The following PPAT variants were observed in gnomAD, a reference collection of about 807,000 sequenced individuals.
The protein encoded by PPAT is amidophosphoribosyltransferase.
Under a neutral mutation model 60.2 loss-of-function variants are expected in PPAT, and 20 were observed. The ratio of observed to expected loss-of-function variants is 0.33; its 90% CI spans 0.23 to 0.48. The LOEUF (loss-of-function observed/expected upper bound fraction) is 0.48. PPAT is among the 20% of genes least tolerant of loss of function. The probability of loss-of-function intolerance (pLI) is 0.99; values close to 1 mark genes in which losing one functional copy is unlikely to be tolerated. For missense variants in PPAT, 349 were observed against 629.6 expected (o/e 0.55, Z 4.77); for synonymous variants, 194 against 215.1 (o/e 0.90, Z 0.86).
At chr4:56,406,803 T>A (rs1716253286) in intron 2 of PPAT, 102 bp from the exon 3 acceptor site, 2 of 768,264 alleles carry the variant, frequency 2.6e-6, no homozygotes, top group Non-Finnish European at 4.2e-6. Flanking sequence ...GACAAAGAAG[T>A]ACATTTAATA....
chr4:56,427,627 T>C lies in PPAT; in HGVS notation c.128+7723A>G, dbSNP rs142162668. ...GTCCACGCCAGCCTCGGCAACATAG[T>C]GAGACCCTGTCTCTTAAAAAAAAAA... On this transcript the variant is annotated intron_variant, in intron 1 of 10. Transcript: ENST00000264220. 8.4e-3 allele frequency among the ~76,000 whole-genome samples: 1,199 copies of C among 143,532 alleles called. 6 individuals are homozygous for C. The highest frequency in any genetic ancestry group is 0.018 in the Middle Eastern group (5 of 282). 94.2% of individuals were successfully genotyped at this position (143,532 alleles called of 152,430 possible).
chr4:56,399,098 G>T, intron 9 of PPAT, 81 bp downstream of exon 9: 3 of 1,208,354 alleles, frequency 2.5e-6, no homozygotes, highest in South Asian at 1.4e-5. Context: ...CATCCATTTT[G>T]ATTCACTACC....
intron 1 of PPAT, among the ~76,000 whole-genome samples, chr4:56,428,351 C>T (rs1026369135): frequency 6.6e-6 from 1 of 151,878 alleles, no homozygotes; most frequent in Non-Finnish European, 1.5e-5. Flanking sequence ...TTGATATGGT[C>T]TGATGAAAAA....
intron 1 of PPAT, among the ~76,000 whole-genome samples, chr4:56,427,241 C>T (rs1253157222): frequency 2.6e-5 from 4 of 152,200 alleles, no homozygotes; most frequent in South Asian, 4.1e-4. Flanking sequence ...TGGGTATATA[C>T]CCAGAAGCGA....
At chr4:56,429,746 C>T (rs1424209845) in intron 1 of PPAT, among the ~76,000 whole-genome samples, 1 of 152,174 alleles carries the variant, frequency 6.6e-6, no homozygotes, top group Non-Finnish European at 1.5e-5. Context: ...CCATTCAGGA[C>T]ATAAAACTTA....
intron 1 of PPAT, among the ~76,000 whole-genome samples, chr4:56,412,846 T>C (rs766505007): frequency 1.3e-5 from 2 of 152,192 alleles, no homozygotes; most frequent in Non-Finnish European, 2.9e-5. Context: ...CCATATACTT[T>C]CCACAATACC....
intron 2 of PPAT, 84 bp from the exon 3 acceptor site, chr4:56,406,785 C>G: frequency 2.2e-6 from 2 of 928,066 alleles, no homozygotes; most frequent in South Asian, 3.1e-5. Flanking sequence ...CCCAGCCAAT[C>G]CAAATAAGAC....
rs186809117 is a variant in PPAT at position 56,397,177 on chromosome 4, A to T, written c.1237-438T>A. 2.6e-3 allele frequency among the ~76,000 whole-genome samples: 392 copies of T among 152,076 alleles called. 3 individuals carry two copies. Among genetic ancestry groups the T allele is most frequent in the African/African-American group, 8.9e-3 (369 of 41,504 alleles). On this transcript the variant is annotated intron_variant, in intron 9 of 10. Coordinates refer to ENST00000264220, the MANE Select transcript of PPAT (RefSeq NM_002703.5). ...TCCTTTTTAAACTTTATTAGAATAG[A>T]TTTTCCCATTTTTGCTACGCAGTCT...
At chr4:56,415,133 A>G (rs1267457827) in intron 1 of PPAT, among the ~76,000 whole-genome samples, 1 of 152,206 alleles carries the variant, frequency 6.6e-6, no homozygotes, top group African/African-American at 2.4e-5. Flanking sequence ...TTTAAAATGA[A>G]TATTTATGCC....
In PPAT at chr4:56,410,899, TAAAAAAAAAAAAAAA is replaced by T. The variant is rs35668849; in HGVS notation, c.129-3198_129-3184del. ...GTACAGCCCCAGAGACCACTGAAGG[TAAAAAAAAAAAAAAA>T]AAAAAAAAAAAAAAGAAAAGTACTC... On this transcript the variant is annotated intron_variant, in intron 1 of 10. Transcript: ENST00000264220. 4.6e-5 allele frequency: 31 copies of T among 678,434 alleles called. No homozygotes were observed. The East Asian group carries it at 1.3e-3, about 28-fold the overall frequency. 42.0% of individuals were successfully genotyped at this position (678,434 alleles called of 1,614,324 possible). A position where few individuals can be genotyped will look rare whatever the true frequency, so the allele number is the denominator to read the frequency against.
Position 56,403,114 on chromosome 4 carries a change from G to C in PPAT, c.587C>G (p.Ala196Gly). 2 of 1,612,094 alleles carry C rather than the reference G, an allele frequency of 1.2e-6. No homozygotes were observed. Among genetic ancestry groups the C allele is most frequent in the East Asian group, 4.5e-5 (2 of 44,856 alleles). ...LLIMHRDVIY[A>G]VRDPYGNRPL... is the part of the protein sequence containing the mutation. ...ACGATTTCCATAAGGATCTCGTACT[G>C]CATAAATAACATCTCTGTGCATTAT... Residue 196 changes from alanine (A) to glycine (G), a missense_variant, in exon 5 of 11, where the codon GCA (alanine) becomes GGA (glycine). Physicochemically the swap from Ala to Gly is moderately conservative, Grantham distance 60. Around this residue, in one of 5 missense-constraint regions of PPAT, gnomAD observed 63 missense variants for 86.9 expected, o/e 0.73. Transcript: ENST00000264220.
chr4:56,405,453 C>A (rs1163645731), intron 3 of PPAT, among the ~76,000 whole-genome samples: 1 of 152,190 alleles, frequency 6.6e-6, no homozygotes, highest in Non-Finnish European at 1.5e-5. Context: ...TCCTGCACAG[C>A]ATCAGTATGA....
chr4:56,430,309 A>G (rs1026658952), intron 1 of PPAT, among the ~76,000 whole-genome samples: 10 of 152,298 alleles, frequency 6.6e-5, no homozygotes, highest in African/African-American at 2.2e-4. Context: ...AGCACTTTAC[A>G]TATATTAACA....
chr4:56,408,690 C>T (rs1358458516), intron 1 of PPAT, among the ~76,000 whole-genome samples: 2 of 143,970 alleles, frequency 1.4e-5, no homozygotes, highest in Non-Finnish European at 3.0e-5. Context: ...GGAGGCGGAG[C>T]TTGCAGTGAG....
At chr4:56,420,463 T>C (rs948618564) in intron 1 of PPAT, 1 of 152,222 alleles carries the variant, frequency 6.6e-6, no homozygotes, top group Non-Finnish European at 1.5e-5. Context: ...GAATATTATA[T>C]ATGTAAGTTA....
At chr4:56,411,250 G>A (rs17086755) in intron 1 of PPAT, among the ~76,000 whole-genome samples, 4,011 of 152,056 alleles carry the variant, frequency 0.026, 153 homozygotes, top group East Asian at 0.2. Context: ...GTAAATAAGG[G>A]GAAAAATATC....
At chr4:56,423,057 T>TA (rs894488112) in intron 1 of PPAT, 3 of 152,198 alleles carry the variant, frequency 2.0e-5, no homozygotes, top group African/African-American at 7.2e-5. Flanking sequence ...TGCTACCTGA[T>TA]AGTTTGCCTC....
chr4:56,402,231 G>T, intron 5 of PPAT, 50 bp from the exon 6 acceptor site: 2 of 1,414,906 alleles, frequency 1.4e-6, no homozygotes, highest in South Asian at 1.2e-5. Flanking sequence ...ATTTTAAGAG[G>T]CTATTTCAAT....
intron 1 of PPAT, among the ~76,000 whole-genome samples, chr4:56,434,582 T>C (rs1274260649): frequency 6.6e-6 from 1 of 152,210 alleles, no homozygotes; most frequent in Non-Finnish European, 1.5e-5. Context: ...ATCAAGTGTA[T>C]GGATCTTGGC....
Sources: allele counts gnomAD v4.1 joint callset (sites outside exome capture counted in the v4.1 genomes callset), GRCh38; gene constraint gnomAD v4.1.1; regional missense constraint gnomAD v4.1.1; transcripts MANE v1.5; gene names NCBI Gene and HGNC (gene_info 2026-07-23, HGNC 2026-07-21).